Variants in RRM2B observed in about 807,000 individuals in gnomAD.
The protein encoded by RRM2B is ribonucleoside-diphosphate reductase subunit M2 B.
A neutral mutation model predicts 45.9 loss-of-function variants in RRM2B; 20 were observed. That is an observed-to-expected ratio of 0.44 (90% CI 0.31 to 0.63). The LOEUF is 0.63. RRM2B is among the 30% of genes least tolerant of loss of function. The probability of loss-of-function intolerance (pLI) is 0.09; values close to 1 mark genes in which losing one functional copy is unlikely to be tolerated. For missense variants in RRM2B, 320 were observed against 414.7 expected (o/e 0.77, Z 1.98); for synonymous variants, 124 against 132.3 (o/e 0.94, Z 0.43).
At chr8:102,224,306 C>T (rs1373380810) in intron 4 of RRM2B, among the ~76,000 whole-genome samples, 166 bp from the exon 5 acceptor site, 7 of 152,038 alleles carry the variant, frequency 4.6e-5, no homozygotes, top group African/African-American at 1.2e-4. Context: ...CTCAGCCTCC[C>T]GAGTAGCTAG....
At position 102,225,950 on chromosome 8, in the gene RRM2B, C is replaced by CA; in HGVS notation, c.288dup (p.Ala97CysfsTer4). 6.2e-7 allele frequency: 1 copy of CA among 1,611,402 alleles called. No homozygotes were observed. The highest frequency in any genetic ancestry group is 8.5e-7 in the Non-Finnish European group (1 of 1,177,826). On this transcript the variant is annotated frameshift_variant, in exon 3 of 9. Transcript: ENST00000251810. LOFTEE classifies it high-confidence loss of function. ...TCATTTACAATTCCATCACTGGCTGCAAAAAAGGCTAAGATGTGAGAGATG... is the reference window on the plus strand; with the variant it reads ...TCATTTACAATTCCATCACTGGCTGCAAAAAAAGGCTAAGATGTGAGAGATG...
At position 102,208,046 on chromosome 8, in the gene RRM2B, G is replaced by T; in HGVS notation, c.*87C>A. ...TGAGCAAACCCCCAGTCCTTTAAAG[G>T]ATATACTTAAAATTTTTTTTAAGCA... On this transcript the variant is annotated 3_prime_UTR_variant, in exon 9 of 9. Transcript: ENST00000251810. 9.2e-7 allele frequency: 1 copy of T among 1,091,572 alleles called. No homozygotes were observed. The highest frequency in any genetic ancestry group is 1.4e-6 in the Non-Finnish European group (1 of 723,190). The allele number at this position is 1,091,572 out of a possible 1,614,324, so 67.6% of individuals were successfully genotyped here.
Position 102,228,783 on chromosome 8 carries a change from C to T in RRM2B, c.205-2749G>A, listed in dbSNP as rs187775837. Among the ~76,000 whole-genome samples, 154 of 152,352 alleles carry T rather than the reference C, an allele frequency of 1.0e-3. 1 individual carries two copies. Among genetic ancestry groups the T allele is most frequent in the African/African-American group, 3.5e-3 (145 of 41,588 alleles). ...AGTGAGTGGAGTTTGCCCCTGCCAGCGCCAAAGCAGCCAGCTAGCTCCAGC... is the reference window on the plus strand; with the variant it reads ...AGTGAGTGGAGTTTGCCCCTGCCAGTGCCAAAGCAGCCAGCTAGCTCCAGC... On this transcript the variant is annotated intron_variant, in intron 2 of 8. Coordinates refer to ENST00000251810, the MANE Select transcript of RRM2B (RefSeq NM_015713.5).
At chr8:102,215,944 C>CAAAAAAAAAAAAAAAAAAAAAAAAAACAA (rs60059243) in intron 6 of RRM2B, among the ~76,000 whole-genome samples, 1 of 75,714 alleles carries the variant, frequency 1.3e-5, no homozygotes, top group Non-Finnish European at 2.4e-5. Flanking sequence ...GACCCTGTCT[C>CAAAAAAAAAAAAAAAAAAAAAAAAAACAA]AAAAAAAAAA....
chr8:102,229,003 C>T (rs977283952), intron 2 of RRM2B, among the ~76,000 whole-genome samples: 2 of 152,202 alleles, frequency 1.3e-5, no homozygotes, highest in African/African-American at 2.4e-5. Context: ...CGCCTGTAAT[C>T]CCAGCACTTT....
chr8:102,230,714 G>A (rs993649242), intron 2 of RRM2B, among the ~76,000 whole-genome samples: 1 of 152,160 alleles, frequency 6.6e-6, no homozygotes, highest in Non-Finnish European at 1.5e-5. Context: ...TAGTGTAATA[G>A]AAGCTTCAAA....
At chr8:102,229,840 C>T (rs1311254525) in intron 2 of RRM2B, among the ~76,000 whole-genome samples, 1 of 152,168 alleles carries the variant, frequency 6.6e-6, no homozygotes, top group Non-Finnish European at 1.5e-5. Context: ...CCACTTTAGC[C>T]TCCCAAAGTG....
chr8:102,212,282 G>A (rs1810647339), intron 8 of RRM2B, among the ~76,000 whole-genome samples: 2 of 152,146 alleles, frequency 1.3e-5, no homozygotes, highest in African/African-American at 4.8e-5. Flanking sequence ...CAGGCTCCAT[G>A]TCTTAAGTAA....
At position 102,232,304 on chromosome 8, in the gene RRM2B, T is replaced by A. The variant is rs1240576355; in HGVS notation, c.49A>T (p.Arg17Ter). 2 of 1,613,758 alleles carry A rather than the reference T, an allele frequency of 1.2e-6. No homozygotes were observed. Among genetic ancestry groups the A allele is most frequent in the Non-Finnish European group, 1.7e-6 (2 of 1,179,822 alleles). ...CTTTCGTTGGTGTCTGAAGATGATC[T>A]CTTTGAAAAATAAAGTACAAACACG... ...PEAAGLDQDE[R>*]SSSDTNESEI... The change falls in exon 2 of 9, where the codon AGA becomes TGA. Residue 17 changes from arginine (R) to a stop codon, truncating the protein, a stop_gained and splice_region_variant. Coordinates refer to ENST00000251810, the MANE Select transcript of RRM2B (RefSeq NM_015713.5). LOFTEE classifies it high-confidence loss of function.
Position 102,226,326 on chromosome 8 carries a change from T to TTA in RRM2B, c.205-294_205-293dup, listed in dbSNP as rs28999707. 0.11 allele frequency among the ~76,000 whole-genome samples: 15,540 copies of TTA among 146,812 alleles called. 808 individuals are homozygous for TTA. The highest frequency in any genetic ancestry group is 0.13 in the African/African-American group (5,330 of 40,442). On this transcript the variant is annotated intron_variant, in intron 2 of 8. Coordinates refer to ENST00000251810, the MANE Select transcript of RRM2B (RefSeq NM_015713.5). ...TGTTACATAATGGGTAACCATTTTA[T>TTA]TATATATATATATATATAACATCAT...
intron 2 of RRM2B, among the ~76,000 whole-genome samples, chr8:102,229,383 C>T (rs1810990082): frequency 6.6e-6 from 1 of 152,158 alleles, no homozygotes; most frequent in Admixed American, 6.5e-5. Context: ...TCCTTTTTCC[C>T]ACTAATTTAT....
intron 6 of RRM2B, 29 bp from the exon 7 acceptor site, chr8:102,214,187 A>C (rs1442114164): frequency 6.9e-7 from 1 of 1,452,828 alleles, no homozygotes; most frequent in Non-Finnish European, 9.7e-7. Flanking sequence ...GTCATTGTCA[A>C]ATAACTTTTA....
chr8:102,221,473 A>G (rs1810834645), intron 5 of RRM2B, among the ~76,000 whole-genome samples: 1 of 152,212 alleles, frequency 6.6e-6, no homozygotes, highest in African/African-American at 2.4e-5. Context: ...AAAGGAAAGT[A>G]GCAGTGTGCA....
intron 5 of RRM2B, 40 bp from the exon 6 acceptor site, chr8:102,218,987 G>C (rs1190179431): frequency 6.3e-7 from 1 of 1,575,080 alleles, no homozygotes; most frequent in African/African-American, 1.3e-5. Context: ...GAAATATACT[G>C]CAAACATTTG....
At chr8:102,227,754 G>T (rs1319644346) in intron 2 of RRM2B, among the ~76,000 whole-genome samples, 1 of 152,164 alleles carries the variant, frequency 6.6e-6, no homozygotes, top group African/African-American at 2.4e-5. Context: ...GCATGGTTGG[G>T]TTATTGGTGA....
At chr8:102,232,648 C>G (rs1417290253) in intron 1 of RRM2B, among the ~76,000 whole-genome samples, 2 of 152,198 alleles carry the variant, frequency 1.3e-5, no homozygotes, top group African/African-American at 4.8e-5. Flanking sequence ...AAGTACAAAG[C>G]TAGACCCATA....
At chr8:102,222,144 T>C (rs370486301) in intron 5 of RRM2B, among the ~76,000 whole-genome samples, 2 of 151,766 alleles carry the variant, frequency 1.3e-5, no homozygotes, top group African/African-American at 4.8e-5. Flanking sequence ...CAGTGGATCA[T>C]AGCTCACTGT....
intron 8 of RRM2B, among the ~76,000 whole-genome samples, chr8:102,211,307 T>C (rs1168770050): frequency 2.0e-5 from 3 of 152,266 alleles, no homozygotes; most frequent in African/African-American, 7.2e-5. Flanking sequence ...AACGGATATA[T>C]TTTTAATCTC....
chr8:102,219,607 A>G (rs980959834), intron 5 of RRM2B, among the ~76,000 whole-genome samples: 8 of 152,240 alleles, frequency 5.3e-5, no homozygotes, highest in African/African-American at 1.9e-4. Flanking sequence ...TCCATCTCCT[A>G]TTAATAAATT....
Sources: gnomAD v4.1 joint callset for allele counts (sites outside exome capture counted in the v4.1 genomes callset) on GRCh38, gnomAD v4.1.1 for gene constraint, MANE v1.5 for transcripts, NCBI Gene and HGNC (gene_info 2026-07-23, HGNC 2026-07-21) for gene names.